COL22A1: variants seen among roughly 807,000 people sequenced by gnomAD.
COL22A1 encodes the protein collagen alpha-1(XXII) chain.
In COL22A1, 221 loss-of-function variants were observed where a neutral mutation model predicts 248.9. That is an observed-to-expected ratio of 0.89 (90% CI 0.80 to 0.99). The LOEUF (loss-of-function observed/expected upper bound fraction) is 0.99, where lower values mean the gene tolerates loss of function less well. Among genes scored for constraint, COL22A1 ranks in the 50% least tolerant of loss-of-function variants. The pLI is 0.00. For synonymous variants in COL22A1, 891 were observed against 793.4 expected, an observed-to-expected ratio of 1.12 and a Z score of -2.07; for missense variants, 2,240 against 2,179.0, an observed-to-expected ratio of 1.03 and a Z score of -0.56.
intron 16 of COL22A1, among the ~76,000 whole-genome samples, chr8:138,766,673 C>A (rs956136964): frequency 2.0e-5 from 3 of 152,090 alleles, no homozygotes; most frequent in Non-Finnish European, 4.4e-5. Context: ...CCGAGAAAGA[C>A]AGGACAGAAG....
chr8:138,703,388 T>C (rs1453853930), intron 30 of COL22A1, 41 bp from the exon 31 acceptor site: 16 of 1,572,532 alleles, frequency 1.0e-5, no homozygotes, highest in Non-Finnish European at 1.4e-5. Context: ...TTAATCTTCC[T>C]CCCAACTCTG....
At chr8:138,776,705 G>A (rs1212900517) in intron 15 of COL22A1, among the ~76,000 whole-genome samples, 1 of 151,786 alleles carries the variant, frequency 6.6e-6, no homozygotes, top group Non-Finnish European at 1.5e-5. Flanking sequence ...CCTGAACGCT[G>A]CATTTTCTGC....
chr8:138,803,280 G>A (rs981717676), intron 10 of COL22A1, among the ~76,000 whole-genome samples: 1 of 152,142 alleles, frequency 6.6e-6, no homozygotes, highest in African/African-American at 2.4e-5. Context: ...CACTTCCCAG[G>A]AGCACACCAT....
intron 47 of COL22A1, among the ~76,000 whole-genome samples, chr8:138,637,093 G>T (rs1821246576): frequency 6.6e-6 from 1 of 152,130 alleles, no homozygotes; most frequent in Non-Finnish European, 1.5e-5. Context: ...AACATCTGAT[G>T]TTAGATTTAG....
intron 12 of COL22A1, among the ~76,000 whole-genome samples, chr8:138,787,932 A>G (rs1016364692): frequency 1.3e-5 from 2 of 152,232 alleles, no homozygotes; most frequent in African/African-American, 4.8e-5. Flanking sequence ...TAAGACACAG[A>G]GAAAGGAGAG....
chr8:138,901,369 G>GTTTTTTT lies in COL22A1; in HGVS notation c.-73+12243_-73+12249dup, dbSNP rs1396582556. Among the ~76,000 whole-genome samples the GTTTTTTT allele has an allele frequency of 5.0e-4, 59 of 118,746 alleles. 1 individual carries two copies. Among genetic ancestry groups the GTTTTTTT allele is most frequent in the African/African-American group, 6.8e-4 (22 of 32,426 alleles). The allele number at this position is 118,746 out of a possible 152,430, so 77.9% of individuals were successfully genotyped here. On this transcript the variant is annotated intron_variant, in intron 1 of 64. Transcript: ENST00000303045. ...CTCATTACTGGCAGGTTTTTTTTTTGTTTTTTTTTTTTTTTGAGACAGTCT... is the reference window on the plus strand; with the variant it reads ...CTCATTACTGGCAGGTTTTTTTTTTGTTTTTTTTTTTTTTTTTTTTTTGAGACAGTCT...
intron 50 of COL22A1, among the ~76,000 whole-genome samples, 159 bp downstream of exon 50, chr8:138,630,536 C>G (rs936545464): frequency 1.3e-5 from 2 of 152,178 alleles, no homozygotes; most frequent in African/African-American, 4.8e-5. Context: ...AGAAAGCAAA[C>G]CCTCCAGCAG....
intron 30 of COL22A1, among the ~76,000 whole-genome samples, chr8:138,708,271 A>T (rs2131031854): frequency 6.6e-6 from 1 of 152,358 alleles, no homozygotes; most frequent in South Asian, 2.1e-4. Flanking sequence ...TTCTTCACAG[A>T]ATTGGAAAAA....
At chr8:138,607,332 T>G (rs1235835461) in intron 57 of COL22A1, among the ~76,000 whole-genome samples, 1 of 152,174 alleles carries the variant, frequency 6.6e-6, no homozygotes, top group Non-Finnish European at 1.5e-5. Context: ...AGGAGACTAG[T>G]GGCCAGAGCT....
intron 3 of COL22A1, among the ~76,000 whole-genome samples, chr8:138,851,566 C>G (rs1821648323): frequency 6.6e-6 from 1 of 152,198 alleles, no homozygotes; most frequent in African/African-American, 2.4e-5. Flanking sequence ...TTCCTCAGAC[C>G]TCCTTTCCCT....
At chr8:138,854,894 G>A (rs77682215) in intron 3 of COL22A1, among the ~76,000 whole-genome samples, 7,953 of 149,586 alleles carry the variant, frequency 0.053, 239 homozygotes, top group African/African-American at 0.076. Flanking sequence ...AGCAATGGTG[G>A]TGATGGTGGT....
At chr8:138,763,625 G>A (rs1833689920) in intron 16 of COL22A1, among the ~76,000 whole-genome samples, 1 of 152,058 alleles carries the variant, frequency 6.6e-6, no homozygotes, top group South Asian at 2.1e-4. Context: ...CCAAATGGTG[G>A]GTTCAGGCTC....
At chr8:138,662,273 C>T (rs574770303) in intron 42 of COL22A1, among the ~76,000 whole-genome samples, 190 bp from the exon 43 acceptor site, 128 of 152,306 alleles carry the variant, frequency 8.4e-4, no homozygotes, top group Non-Finnish European at 1.1e-3. Flanking sequence ...GGTATGTGCT[C>T]GACACACAGA....
intron 10 of COL22A1, among the ~76,000 whole-genome samples, chr8:138,807,560 C>T (rs945699331): frequency 1.3e-5 from 2 of 152,204 alleles, no homozygotes; most frequent in African/African-American, 4.8e-5. Context: ...CTCATATTTG[C>T]AGACTGAGAA....
chr8:138,684,296 A>G (rs956986159), intron 39 of COL22A1, 129 bp downstream of exon 39: 19 of 757,068 alleles, frequency 2.5e-5, no homozygotes, highest in African/African-American at 1.2e-4. Flanking sequence ...CTTTAGTCAA[A>G]TGGAACACGA....
chr8:138,664,693 CT>C (rs1448124322), intron 41 of COL22A1, among the ~76,000 whole-genome samples: 3 of 152,196 alleles, frequency 2.0e-5, no homozygotes, highest in Non-Finnish European at 4.4e-5. Flanking sequence ...AGTCTGCATT[CT>C]TACCATGCTC....
At chr8:138,843,108 TCCTGGGGGGTGCTCACTC>T (rs1821004783) in intron 4 of COL22A1, among the ~76,000 whole-genome samples, 1 of 152,128 alleles carries the variant, frequency 6.6e-6, no homozygotes. Flanking sequence ...TAGGAGCTGC[TCCTGGGGGGTGCTCACTC>T]CCTGGCACCT....
At chr8:138,638,308 T>A (rs1197674704) in intron 47 of COL22A1, among the ~76,000 whole-genome samples, 1 of 152,216 alleles carries the variant, frequency 6.6e-6, no homozygotes, top group African/African-American at 2.4e-5. Flanking sequence ...TGTAGGTCAA[T>A]CTTTGTTGTG....
intron 26 of COL22A1, among the ~76,000 whole-genome samples, chr8:138,721,478 A>C (rs959839423): frequency 1.3e-5 from 2 of 152,240 alleles, no homozygotes; most frequent in African/African-American, 4.8e-5. Context: ...TAATAATTCT[A>C]CCATAAGCCC....
Sources: allele counts gnomAD v4.1 joint callset (sites outside exome capture counted in the v4.1 genomes callset), GRCh38; gene constraint gnomAD v4.1.1; transcripts MANE v1.5; gene names NCBI Gene and HGNC (gene_info 2026-07-23, HGNC 2026-07-21).